Variants in RAF1 observed in about 807,000 individuals in gnomAD.
RAF1 encodes the protein Raf-1 proto-oncogene, serine/threonine kinase.
RAF1 carries 27 observed loss-of-function variants against 81.1 expected under a neutral mutation model. The observed-to-expected ratio is 0.33, with a 90% CI of 0.25 to 0.46. The LOEUF (loss-of-function observed/expected upper bound fraction) is 0.46. Among genes scored for constraint, RAF1 ranks in the 20% least tolerant of loss-of-function variants. RAF1 has a pLI of 1.00. For synonymous variants in RAF1, 298 were observed against 294.0 expected (o/e 1.01, Z -0.14); for missense variants, 598 against 826.0 (o/e 0.72, Z 3.38).
chr3:12,663,648 C>A (rs2060955227), intron 1 of RAF1, among the ~76,000 whole-genome samples, 165 bp downstream of exon 1: 1 of 60,482 alleles, frequency 1.7e-5, no homozygotes, highest in South Asian at 9.0e-4. Flanking sequence ...TCCGGGGCCC[C>A]CGCCCAACGC....
chr3:12,623,744 A>C (rs1049566310), intron 1 of RAF1, among the ~76,000 whole-genome samples: 14 of 144,200 alleles, frequency 9.7e-5, no homozygotes, highest in African/African-American at 3.4e-4. Flanking sequence ...CAGTGAGCCG[A>C]GATCATGCCA....
chr3:12,605,088 G>A (rs1298477115), intron 6 of RAF1, among the ~76,000 whole-genome samples: 1 of 152,044 alleles, frequency 6.6e-6, no homozygotes, highest in Non-Finnish European at 1.5e-5. Context: ...ATCTTCAGAG[G>A]TAACTACAAA....
Position 12,608,775 on chromosome 3 carries a change from C to T in RAF1, c.572G>A (p.Arg191Lys), listed in dbSNP as rs2125416373. 1 of 1,614,146 alleles carries T rather than the reference C, an allele frequency of 6.2e-7. No individual in the cohort carries two copies. The highest frequency in any genetic ancestry group is 8.5e-7 in the Non-Finnish European group (1 of 1,179,990). Reference sequence around the variant, plus strand: ...AAGAACAATGCCTTACAAGAGTTGTCTGATGTTACTCCAGTCCACACACAT... The same window carrying T: ...AAGAACAATGCCTTACAAGAGTTGTTTGATGTTACTCCAGTCCACACACAT... The change falls in exon 5 of 18, where the codon AGA becomes AAA. Residue 191 changes from arginine (R) to lysine (K), a missense_variant. Arg to Lys is a conservative substitution (Grantham distance 26). Coordinates refer to ENST00000442415, the MANE Select transcript of RAF1 (RefSeq NM_001354689.3).
At chr3:12,618,390 GA>G (rs976359844) in intron 2 of RAF1, 124 bp downstream of exon 2, 12,429 of 750,410 alleles carry the variant, frequency 0.017, no homozygotes, top group Middle Eastern at 0.02. Context: ...TCTGCAGTTA[GA>G]AAAAAAAAAA....
chr3:12,612,204 C>A, intron 2 of RAF1, 142 bp from the exon 3 acceptor site: 1 of 702,804 alleles, frequency 1.4e-6, no homozygotes, highest in South Asian at 1.5e-5. Context: ...GAATGTCCAG[C>A]AATAGGAAAG....
At chr3:12,644,961 T>C (rs985147342) in intron 1 of RAF1, among the ~76,000 whole-genome samples, 3 of 151,742 alleles carry the variant, frequency 2.0e-5, no homozygotes, top group Non-Finnish European at 2.9e-5. Context: ...TAGCTGGGCA[T>C]GGTGGCACGT....
chr3:12,623,858 T>A (rs2059623014), intron 1 of RAF1, among the ~76,000 whole-genome samples: 1 of 71,224 alleles, frequency 1.4e-5, no homozygotes, highest in Non-Finnish European at 2.9e-5. Context: ...CCTTTTCTTT[T>A]TTCTTTTTTT....
intron 1 of RAF1, among the ~76,000 whole-genome samples, chr3:12,650,145 CA>C (rs36098034): frequency 0.097 from 7,410 of 76,048 alleles, 57 homozygotes; most frequent in Admixed American, 0.13. Context: ...GACTCCATCT[CA>C]AAAAAAAAAA....
chr3:12,631,455 C>T (rs62240815), intron 1 of RAF1, among the ~76,000 whole-genome samples: 18,573 of 151,960 alleles, frequency 0.12, 1,354 homozygotes, highest in Admixed American at 0.2. Flanking sequence ...AAAAATTAGC[C>T]GGGCGTGGTG....
chr3:12,649,483 C>A (rs1027662774), intron 1 of RAF1, among the ~76,000 whole-genome samples: 2 of 152,066 alleles, frequency 1.3e-5, no homozygotes, highest in Non-Finnish European at 2.9e-5. Flanking sequence ...CCTCTAGTCT[C>A]AGCTACTAAG....
intron 1 of RAF1, among the ~76,000 whole-genome samples, chr3:12,649,489 C>G (rs1188057594): frequency 6.6e-6 from 1 of 152,008 alleles, no homozygotes; most frequent in African/African-American, 2.4e-5. Flanking sequence ...GTCTCAGCTA[C>G]TAAGGAGGCT....
intron 2 of RAF1, among the ~76,000 whole-genome samples, chr3:12,616,415 A>G (rs542512920): frequency 6.6e-5 from 10 of 152,336 alleles, no homozygotes; most frequent in Admixed American, 6.5e-4. Context: ...AAGAAAATTA[A>G]TGAGAAACAG....
intron 1 of RAF1, among the ~76,000 whole-genome samples, chr3:12,656,349 G>A (rs1055110974): frequency 2.0e-5 from 3 of 152,048 alleles, no homozygotes; most frequent in African/African-American, 7.2e-5. Context: ...TCCTGCTAAA[G>A]CAGGCAAATG....
chr3:12,614,877 A>G (rs1247001180), intron 2 of RAF1, among the ~76,000 whole-genome samples: 1 of 152,242 alleles, frequency 6.6e-6, no homozygotes, highest in Non-Finnish European at 1.5e-5. Flanking sequence ...ACAAAGAGTA[A>G]TAAACATACC....
chr3:12,596,170 G>A (rs1191838108), intron 11 of RAF1, among the ~76,000 whole-genome samples: 2 of 143,004 alleles, frequency 1.4e-5, no homozygotes, highest in Non-Finnish European at 3.0e-5. Context: ...CACCACACCT[G>A]GCCTATAGAA....
intron 1 of RAF1, among the ~76,000 whole-genome samples, chr3:12,656,637 C>T (rs2060702541): frequency 2.0e-5 from 3 of 152,230 alleles, no homozygotes; most frequent in African/African-American, 7.2e-5. Flanking sequence ...ACATGCCCCA[C>T]TGGAAATATA....
intron 1 of RAF1, among the ~76,000 whole-genome samples, chr3:12,638,253 T>C (rs1054633377): frequency 1.3e-5 from 2 of 152,214 alleles, no homozygotes; most frequent in African/African-American, 4.8e-5. Flanking sequence ...ATGAGTAACA[T>C]ATGGCATCTG....
intron 11 of RAF1, among the ~76,000 whole-genome samples, chr3:12,594,225 G>A (rs1011958319): frequency 3.3e-5 from 5 of 152,142 alleles, no homozygotes; most frequent in Admixed American, 6.5e-5. Flanking sequence ...TCCTGTGAAG[G>A]TAAACTGACC....
chr3:12,614,030 G>A (rs745593785), intron 2 of RAF1, among the ~76,000 whole-genome samples: 2 of 152,126 alleles, frequency 1.3e-5, no homozygotes, highest in East Asian at 1.9e-4. Context: ...CTTAGCTACC[G>A]ATGGTTTTTC....
Sources: gnomAD v4.1 joint callset for allele counts (sites outside exome capture counted in the v4.1 genomes callset) on GRCh38, gnomAD v4.1.1 for gene constraint, MANE v1.5 for transcripts, NCBI Gene and HGNC (gene_info 2026-07-23, HGNC 2026-07-21) for gene names.